Variants in TRIM44 observed in about 807,000 individuals in gnomAD.
TRIM44 encodes tripartite motif containing 44, also known as tripartite motif-containing protein 44.
Under a neutral mutation model 37.4 loss-of-function variants are expected in TRIM44, and 13 were observed. The ratio of observed to expected loss-of-function variants is 0.35; its 90% CI spans 0.23 to 0.55. The LOEUF (loss-of-function observed/expected upper bound fraction) is 0.55. TRIM44 is among the 20% of genes least tolerant of loss of function. TRIM44 has a pLI of 0.89. For missense variants in TRIM44, 426 were observed against 437.2 expected, an observed-to-expected ratio of 0.97 and a Z score of 0.23; for synonymous variants, 175 against 157.2, an observed-to-expected ratio of 1.11 and a Z score of -0.85.
chr11:35,798,932 T>A (rs1407399282), intron 4 of TRIM44, among the ~76,000 whole-genome samples: 2 of 152,172 alleles, frequency 1.3e-5, no homozygotes, highest in East Asian at 3.8e-4. Flanking sequence ...TAATGGAATT[T>A]TTTTTCTTTT....
chr11:35,698,366 C>G (rs1247438717), intron 2 of TRIM44, among the ~76,000 whole-genome samples: 2 of 109,760 alleles, frequency 1.8e-5, no homozygotes, highest in African/African-American at 8.3e-5. Flanking sequence ...GCCACACTCA[C>G]TGACTTCCAT....
At chr11:35,739,893 G>A (rs752475187) in intron 4 of TRIM44, among the ~76,000 whole-genome samples, 3 of 152,080 alleles carry the variant, frequency 2.0e-5, no homozygotes, top group Non-Finnish European at 4.4e-5. Flanking sequence ...GAGGTCAGGA[G>A]ATCGAGACCA....
chr11:35,801,985 A>G (rs1335221960), intron 4 of TRIM44, among the ~76,000 whole-genome samples: 3 of 151,622 alleles, frequency 2.0e-5, no homozygotes, highest in Non-Finnish European at 4.4e-5. Context: ...GCTCACTGAC[A>G]TATTGTGTAG....
At chr11:35,764,972 A>G (rs1852776185) in intron 4 of TRIM44, among the ~76,000 whole-genome samples, 1 of 152,096 alleles carries the variant, frequency 6.6e-6, no homozygotes, top group African/African-American at 2.4e-5. Flanking sequence ...CATATCCCAT[A>G]TAGTGTTTTG....
Position 35,807,228 on chromosome 11 carries a change from G to A in TRIM44, c.*843G>A, listed in dbSNP as rs1292582141. 6.6e-6 allele frequency: 1 copy of A among 152,146 alleles called. No individual in the cohort carries two copies. The highest frequency in any genetic ancestry group is 6.5e-5 in the Admixed American group (1 of 15,274). 9.4% of individuals were successfully genotyped at this position (152,146 alleles called of 1,614,324 possible). ...TGGGCTTGTCACAACGTGAAGGGCT[G>A]GAATGTATATTACCAAATGGGAATT... is the stretch of plus-strand genomic sequence containing the variant. On this transcript the variant is annotated 3_prime_UTR_variant, in exon 5 of 5. Transcript: ENST00000299413.
chr11:35,767,662 C>T (rs1852816069), intron 4 of TRIM44, among the ~76,000 whole-genome samples: 1 of 152,146 alleles, frequency 6.6e-6, no homozygotes, highest in African/African-American at 2.4e-5. Flanking sequence ...AGAGAGGCAA[C>T]TTGATGTAAT....
At chr11:35,732,162 A>C (rs1424777705) in intron 3 of TRIM44, among the ~76,000 whole-genome samples, 3 of 152,212 alleles carry the variant, frequency 2.0e-5, no homozygotes, top group Non-Finnish European at 4.4e-5. Context: ...TGAGCAAGTT[A>C]TCTCTCTTGC....
At chr11:35,686,333 A>G (rs1489207361) in intron 2 of TRIM44, among the ~76,000 whole-genome samples, 2 of 149,348 alleles carry the variant, frequency 1.3e-5, no homozygotes, top group East Asian at 2.0e-4. Flanking sequence ...GGAAAGGCGC[A>G]TGATTTTATT....
intron 4 of TRIM44, among the ~76,000 whole-genome samples, chr11:35,769,332 G>A (rs1290696868): frequency 1.3e-5 from 2 of 152,182 alleles, no homozygotes; most frequent in Non-Finnish European, 2.9e-5. Flanking sequence ...TGTCTTTCAT[G>A]TAAATAGGTC....
At chr11:35,698,046 T>C (rs1385353087) in intron 2 of TRIM44, among the ~76,000 whole-genome samples, 2 of 151,706 alleles carry the variant, frequency 1.3e-5, no homozygotes, top group African/African-American at 2.4e-5. Flanking sequence ...TCCACAGTGG[T>C]TGAACTAGTT....
intron 2 of TRIM44, among the ~76,000 whole-genome samples, chr11:35,714,592 C>T (rs941946459): frequency 3.9e-5 from 6 of 152,098 alleles, no homozygotes; most frequent in African/African-American, 1.4e-4. Context: ...ATACAAATAA[C>T]TGTGGCTTTA....
chr11:35,763,152 A>G (rs905023794), intron 4 of TRIM44, among the ~76,000 whole-genome samples: 2 of 152,162 alleles, frequency 1.3e-5, no homozygotes, highest in African/African-American at 2.4e-5. Flanking sequence ...TATGTGGGAA[A>G]TGCTGGCAAA....
chr11:35,694,413 C>T (rs1851672163), intron 2 of TRIM44, among the ~76,000 whole-genome samples: 1 of 152,022 alleles, frequency 6.6e-6, no homozygotes. Context: ...AACGTATGTA[C>T]CATTAAAGTT....
At chr11:35,677,520 C>G (rs1009176706) in intron 1 of TRIM44, among the ~76,000 whole-genome samples, 3 of 151,998 alleles carry the variant, frequency 2.0e-5, no homozygotes, top group Non-Finnish European at 4.4e-5. Flanking sequence ...GAAATTATAA[C>G]TAACATTTAT....
intron 4 of TRIM44, among the ~76,000 whole-genome samples, chr11:35,763,827 TC>T (rs1852758944): frequency 6.6e-6 from 1 of 152,236 alleles, no homozygotes; most frequent in African/African-American, 2.4e-5. Context: ...TAGAATTTAT[TC>T]TTCATCTCCA....
At chr11:35,696,434 A>G (rs917351672) in intron 2 of TRIM44, among the ~76,000 whole-genome samples, 4 of 151,030 alleles carry the variant, frequency 2.6e-5, no homozygotes, top group African/African-American at 7.3e-5. Context: ...GAGCCGCCGC[A>G]AGCAGCCGTC....
At chr11:35,780,871 G>T (rs1853054331) in intron 4 of TRIM44, among the ~76,000 whole-genome samples, 1 of 148,242 alleles carries the variant, frequency 6.7e-6, no homozygotes, top group Non-Finnish European at 1.5e-5. Context: ...TATTTATTAA[G>T]CACCTACATT....
intron 4 of TRIM44, among the ~76,000 whole-genome samples, chr11:35,803,050 A>T (rs1325635699): frequency 6.6e-6 from 1 of 152,206 alleles, no homozygotes; most frequent in Non-Finnish European, 1.5e-5. Context: ...TGCATAAAAT[A>T]CATAAAGCTT....
At chr11:35,756,831 C>T (rs1293538466) in intron 4 of TRIM44, among the ~76,000 whole-genome samples, 1 of 152,222 alleles carries the variant, frequency 6.6e-6, no homozygotes, top group Non-Finnish European at 1.5e-5. Flanking sequence ...TATGTGGAAC[C>T]AGCCTTGCAT....
Sources: gnomAD v4.1 joint callset for allele counts (sites outside exome capture counted in the v4.1 genomes callset) on GRCh38, gnomAD v4.1.1 for gene constraint, MANE v1.5 for transcripts, NCBI Gene and HGNC (gene_info 2026-07-23, HGNC 2026-07-21) for gene names.